The following HPF1 variants were observed in gnomAD, a reference collection of about 807,000 sequenced individuals.
HPF1 encodes the protein UPF0609 protein C4orf27.
In HPF1, 35 loss-of-function variants were observed where a neutral mutation model predicts 38.8. The ratio of observed to expected loss-of-function variants is 0.90; its 90% CI spans 0.69 to 1.19. HPF1 has a LOEUF of 1.19. Ranked by LOEUF, HPF1 falls within the 50% of genes most tolerant of loss-of-function variation. HPF1 has a pLI of 0.00. For synonymous variants in HPF1, 115 were observed against 139.2 expected (o/e 0.83, Z 1.22); for missense variants, 367 against 405.8 (o/e 0.90, Z 0.82).
chr4:169,745,697 C>T (rs974149001), intron 4 of HPF1, among the ~76,000 whole-genome samples: 1 of 152,210 alleles, frequency 6.6e-6, no homozygotes, highest in Non-Finnish European at 1.5e-5. Context: ...GGCACAGGGT[C>T]TTGCTATGTC....
chr4:169,730,019 T>C (rs1461205973), intron 7 of HPF1, among the ~76,000 whole-genome samples: 1 of 152,206 alleles, frequency 6.6e-6, no homozygotes, highest in South Asian at 2.1e-4. Context: ...CTTTTTATTC[T>C]CTCCAGTGTA....
At chr4:169,745,216 C>T (rs910917841) in intron 4 of HPF1, among the ~76,000 whole-genome samples, 7 of 152,150 alleles carry the variant, frequency 4.6e-5, no homozygotes, top group African/African-American at 1.7e-4. Flanking sequence ...CTCGAGAGGC[C>T]GGGCCTAACA....
chr4:169,730,387 C>A (rs963878956), intron 7 of HPF1, among the ~76,000 whole-genome samples: 2 of 152,210 alleles, frequency 1.3e-5, no homozygotes, highest in African/African-American at 4.8e-5. Context: ...ATGGCTAGGG[C>A]CTCTCTAGCA....
intron 4 of HPF1, 56 bp from the exon 5 acceptor site, chr4:169,742,163 G>A: frequency 6.6e-7 from 1 of 1,512,992 alleles, no homozygotes. Context: ...TAAGTACAAA[G>A]ACCTTTCAAA....
chr4:169,755,996 C>G (rs1734184210), intron 1 of HPF1, among the ~76,000 whole-genome samples: 1 of 152,060 alleles, frequency 6.6e-6, no homozygotes, highest in Admixed American at 6.5e-5. Context: ...TATAATGTGT[C>G]TGATTTATAA....
At chr4:169,733,942 A>G (rs1376851801) in intron 6 of HPF1, among the ~76,000 whole-genome samples, 5 of 151,868 alleles carry the variant, frequency 3.3e-5, no homozygotes, top group African/African-American at 7.3e-5. Context: ...AAAATATACT[A>G]TATACTAGTG....
chr4:169,750,659 TTA>T lies in HPF1; in HGVS notation c.273_274del (p.His91GlnfsTer12), dbSNP rs766665789. ...CAGGCCTGTTGATTTTTTCTTCGTTTTATGTTTTCCAGCAAGGATATCATAAG... is the reference window on the plus strand; with the variant it reads ...CAGGCCTGTTGATTTTTTCTTCGTTTTGTTTTCCAGCAAGGATATCATAAG... On this transcript the variant is annotated frameshift_variant, in exon 3 of 8. Coordinates refer to ENST00000393381, the MANE Select transcript of HPF1 (RefSeq NM_017867.3). LOFTEE classifies it high-confidence loss of function. 1 of 1,614,032 alleles carries T rather than the reference TTA, an allele frequency of 6.2e-7. No individual in the cohort carries two copies. Among genetic ancestry groups the T allele is most frequent in the Non-Finnish European group, 8.5e-7 (1 of 1,179,958 alleles).
intron 5 of HPF1, among the ~76,000 whole-genome samples, chr4:169,738,190 C>T (rs1560887761): frequency 6.6e-6 from 1 of 152,174 alleles, no homozygotes; most frequent in Admixed American, 6.5e-5. Flanking sequence ...ATCCATCCTG[C>T]CAAATTGAGA....
Position 169,742,040 on chromosome 4 carries a change from CTA to C in HPF1, c.563_564del (p.Ile188ArgfsTer2), listed in dbSNP as rs759133234. ...CTGGCTGCTTCTGTGAGTTTTTCAT[CTA>C]TGTTTTTCAAGAGATTGATTTTCTT... ...DKKKINLLKN[I>X]DEKLTEAARE... is the part of the protein sequence containing the mutation. On this transcript the variant is annotated frameshift_variant, in exon 5 of 8. Transcript: ENST00000393381. LOFTEE classifies it high-confidence loss of function. The C allele has an allele frequency of 5.0e-6, 8 of 1,610,826 alleles. No homozygotes were observed. Among genetic ancestry groups the C allele is most frequent in the Non-Finnish European group, 6.8e-6 (8 of 1,177,196 alleles).
chr4:169,746,328 G>T (rs1007724523), intron 4 of HPF1, among the ~76,000 whole-genome samples: 2 of 151,918 alleles, frequency 1.3e-5, no homozygotes, highest in African/African-American at 2.4e-5. Context: ...CTAACTTAAG[G>T]GTATAAATGT....
At chr4:169,740,992 T>A (rs575901666) in intron 5 of HPF1, among the ~76,000 whole-genome samples, 1 of 152,222 alleles carries the variant, frequency 6.6e-6, no homozygotes, top group Non-Finnish European at 1.5e-5. Context: ...AAGCTTCCTG[T>A]GATAACCAGA....
At chr4:169,753,621 T>C in intron 2 of HPF1, 55 bp downstream of exon 2, 1 of 1,476,158 alleles carries the variant, frequency 6.8e-7, no homozygotes, top group Non-Finnish European at 9.3e-7. Flanking sequence ...ACCCAGCTGG[T>C]TTCCTATTAC....
intron 1 of HPF1, among the ~76,000 whole-genome samples, chr4:169,755,505 C>G (rs956006759): frequency 6.6e-5 from 10 of 152,164 alleles, no homozygotes; most frequent in African/African-American, 2.4e-4. Context: ...AGACTATTAA[C>G]TGTGTTATCT....
intron 5 of HPF1, among the ~76,000 whole-genome samples, chr4:169,738,448 C>T (rs1170290959): frequency 6.6e-6 from 1 of 152,128 alleles, no homozygotes; most frequent in African/African-American, 2.4e-5. Flanking sequence ...AACATCTGTA[C>T]AAATATTCCA....
At chr4:169,732,255 C>T (rs1440692529) in intron 6 of HPF1, among the ~76,000 whole-genome samples, 1 of 151,898 alleles carries the variant, frequency 6.6e-6, no homozygotes, top group Non-Finnish European at 1.5e-5. Context: ...ATTCTCCTGC[C>T]CCAGCCTCCC....
chr4:169,735,089 T>G (rs1733875254), intron 6 of HPF1, among the ~76,000 whole-genome samples: 1 of 146,758 alleles, frequency 6.8e-6, no homozygotes, highest in Non-Finnish European at 1.5e-5. Flanking sequence ...ACCCTACCAT[T>G]GCACTCCGGC....
intron 6 of HPF1, among the ~76,000 whole-genome samples, chr4:169,734,717 A>G (rs1047665847): frequency 6.6e-6 from 1 of 152,204 alleles, no homozygotes; most frequent in African/African-American, 2.4e-5. Context: ...AATTCTTACT[A>G]TATCCCTGCC....
At chr4:169,731,316 A>G (rs1733824748) in intron 7 of HPF1, among the ~76,000 whole-genome samples, 1 of 152,162 alleles carries the variant, frequency 6.6e-6, no homozygotes, top group Non-Finnish European at 1.5e-5. Flanking sequence ...CCCCCACCAC[A>G]ATGGAAACGA....
chr4:169,729,757 T>C, intron 7 of HPF1, 48 bp from the exon 8 acceptor site: 1 of 1,288,094 alleles, frequency 7.8e-7, no homozygotes, highest in Non-Finnish European at 1.0e-6. Flanking sequence ...GCAGATATCC[T>C]AATAAGTAGC....
Sources: allele counts gnomAD v4.1 joint callset (sites outside exome capture counted in the v4.1 genomes callset), GRCh38; gene constraint gnomAD v4.1.1; transcripts MANE v1.5; gene names NCBI Gene and HGNC (gene_info 2026-07-23, HGNC 2026-07-21).